AKAP9: variants seen among roughly 807,000 people sequenced by gnomAD.
AKAP9 encodes A-kinase anchor protein 9.
A neutral mutation model predicts 488.5 loss-of-function variants in AKAP9; 311 were observed. That is an observed-to-expected ratio of 0.64 (90% CI 0.58 to 0.70). The LOEUF is 0.70. AKAP9 is among the 30% of genes least tolerant of loss of function. The pLI, the probability that AKAP9 is intolerant of heterozygous loss-of-function variation, is 0.00. For missense variants in AKAP9, 4,215 were observed against 4,374.5 expected, an observed-to-expected ratio of 0.96 and a Z score of 1.03; for synonymous variants, 1,462 against 1,483.5, an observed-to-expected ratio of 0.99 and a Z score of 0.33.
Position 92,022,994 on chromosome 7 carries a change from C to G in AKAP9, c.4133C>G (p.Ser1378Cys). 2 of 1,613,720 alleles carry G rather than the reference C, an allele frequency of 1.2e-6. No homozygotes were observed. The highest frequency in any genetic ancestry group is 2.2e-5 in the East Asian group (1 of 44,838). Residue 1378 changes from serine (S) to cysteine (C), a missense_variant, in exon 14 of 50, where the codon TCC becomes TGC. Ser to Cys is a moderately radical substitution (Grantham distance 112). Around this residue, in one of 5 missense-constraint regions of AKAP9, gnomAD observed 2,361 missense variants for 2,430.0 expected, o/e 0.97. Coordinates refer to ENST00000356239, the MANE Select transcript of AKAP9 (RefSeq NM_005751.5). ...AAGAGGCTTCAAGCTGTTAGTGAGT[C>G]CACGGTTCCGCCAAGGTATTCATCT... ...LQKRLQAVSE[S>C]TVPPSLPVDS...
intron 3 of AKAP9, among the ~76,000 whole-genome samples, chr7:91,985,153 G>A (rs1228147143): frequency 6.6e-6 from 1 of 152,132 alleles, no homozygotes; most frequent in Non-Finnish European, 1.5e-5. Context: ...AGACTATGTT[G>A]AATAGGAGTG....
Position 92,107,431 on chromosome 7 carries a change from A to G in AKAP9, c.11546+9A>G. The G allele has an allele frequency of 6.2e-7, 1 of 1,612,954 alleles. No homozygotes were observed. Among genetic ancestry groups the G allele is most frequent in the Non-Finnish European group, 8.5e-7 (1 of 1,179,228 alleles). Reference sequence around the variant, plus strand: ...TTACCATTTCAGAATAGGTAAGAATATGAGAAAACCTGCCTGGAATTGTTA... The same window carrying G: ...TTACCATTTCAGAATAGGTAAGAATGTGAGAAAACCTGCCTGGAATTGTTA... On this transcript the variant is annotated intron_variant, in intron 48 of 49. Coordinates refer to ENST00000356239, the MANE Select transcript of AKAP9 (RefSeq NM_005751.5).
In AKAP9 at chr7:91,981,444, T is replaced by C. The variant is rs1347843920; in HGVS notation, c.351+1111T>C. Among the ~76,000 whole-genome samples the C allele has an allele frequency of 3.3e-5, 5 of 152,218 alleles. No homozygotes were observed. The East Asian group carries it at 9.7e-4, about 29-fold the overall frequency. ...AAGTATATGGGCAGATGTCCACAGG[T>C]TGTATACAAATACTATGCCATTAAG... On this transcript the variant is annotated intron_variant, in intron 3 of 49. Coordinates refer to ENST00000356239, the MANE Select transcript of AKAP9 (RefSeq NM_005751.5).
At chr7:91,972,684 T>G (rs1428671671) in intron 1 of AKAP9, among the ~76,000 whole-genome samples, 1 of 152,186 alleles carries the variant, frequency 6.6e-6, no homozygotes, top group Admixed American at 6.5e-5. Flanking sequence ...GTGCCACCAT[T>G]TTGGAGCTAT....
chr7:92,018,899 C>T (rs1801926598), intron 12 of AKAP9, among the ~76,000 whole-genome samples: 1 of 152,146 alleles, frequency 6.6e-6, no homozygotes, highest in African/African-American at 2.4e-5. Context: ...TCTCAATCAG[C>T]ATATTGAAAT....
intron 14 of AKAP9, 120 bp downstream of exon 14, chr7:92,023,129 G>C (rs936443921): frequency 2.0e-6 from 2 of 1,023,760 alleles, no homozygotes; most frequent in Admixed American, 1.8e-5. Context: ...GAGATAGGAT[G>C]TAGCATTTTT....
At chr7:92,024,746 A>G (rs1238949928) in intron 14 of AKAP9, among the ~76,000 whole-genome samples, 1 of 152,168 alleles carries the variant, frequency 6.6e-6, no homozygotes, top group East Asian at 1.9e-4. Context: ...TGGCTCTGCT[A>G]TTGTAGCGCG....
intron 33 of AKAP9, 36 bp from the exon 34 acceptor site, chr7:92,084,604 C>T: frequency 2.0e-6 from 3 of 1,533,372 alleles, no homozygotes; most frequent in Non-Finnish European, 1.8e-6. Context: ...TTTATTAAAG[C>T]AAAAAATATA....
chr7:92,065,922 C>G (rs905451536), intron 25 of AKAP9, among the ~76,000 whole-genome samples: 2 of 152,114 alleles, frequency 1.3e-5, no homozygotes, highest in Non-Finnish European at 2.9e-5. Context: ...TCTCTAATTT[C>G]ACATTTTTTT....
At chr7:92,091,331 T>C (rs1815518291) in intron 38 of AKAP9, among the ~76,000 whole-genome samples, 2 of 152,054 alleles carry the variant, frequency 1.3e-5, no homozygotes, top group Admixed American at 6.6e-5. Context: ...TTCACGCCTG[T>C]AATCCCAGCA....
chr7:92,042,591 A>G, intron 19 of AKAP9, 77 bp from the exon 20 acceptor site: 1 of 1,019,162 alleles, frequency 9.8e-7, no homozygotes, highest in South Asian at 1.3e-5. Context: ...ACCAATATAG[A>G]AGAATGACAT....
chr7:92,074,926 G>T (rs1235398184), intron 28 of AKAP9, among the ~76,000 whole-genome samples: 1 of 151,962 alleles, frequency 6.6e-6, no homozygotes, highest in Non-Finnish European at 1.5e-5. Context: ...CGGATTGATG[G>T]GTGCAGCAAA....
intron 8 of AKAP9, among the ~76,000 whole-genome samples, 178 bp from the exon 9 acceptor site, chr7:92,012,251 C>G (rs902961366): frequency 6.6e-6 from 1 of 152,038 alleles, no homozygotes; most frequent in African/African-American, 2.4e-5. Flanking sequence ...AAACATTGTG[C>G]TACTTTCCTT....
At chr7:91,968,729 A>G (rs891121509) in intron 1 of AKAP9, among the ~76,000 whole-genome samples, 1 of 151,984 alleles carries the variant, frequency 6.6e-6, no homozygotes, top group Admixed American at 6.6e-5. Flanking sequence ...TATTGGTATA[A>G]ACTTCCCTCT....
In AKAP9 at chr7:92,090,196, TAACATTCTTCC is replaced by T. The variant is rs747570881; in HGVS notation, c.9358+681_9358+691del. ...TTATCTTGTTTCTTTCACCTCTCTGTAACATTCTTCCAACATTCTTCCAAGTTACTGCATTT... is the reference window on the plus strand; with the variant it reads ...TTATCTTGTTTCTTTCACCTCTCTGTAACATTCTTCCAAGTTACTGCATTT... On this transcript the variant is annotated intron_variant, in intron 38 of 49. Coordinates refer to ENST00000356239, the MANE Select transcript of AKAP9 (RefSeq NM_005751.5). The T allele has an allele frequency of 4.6e-5, 7 of 152,396 alleles. No homozygotes were observed. In the East Asian group the frequency reaches 1.2e-3, roughly 25 times the overall value. The allele number at this position is 152,396 out of a possible 1,614,324, so 9.4% of individuals were successfully genotyped here.
At chr7:92,000,106 T>G (rs983326358) in intron 7 of AKAP9, among the ~76,000 whole-genome samples, 2 of 152,244 alleles carry the variant, frequency 1.3e-5, no homozygotes, top group African/African-American at 4.8e-5. Context: ...CAGATATGCC[T>G]TGGCCTGTGT....
intron 9 of AKAP9, among the ~76,000 whole-genome samples, chr7:92,013,233 C>T (rs1482982327): frequency 4.6e-5 from 7 of 151,464 alleles, no homozygotes; most frequent in Middle Eastern, 3.4e-3. Flanking sequence ...CCTCGTGATC[C>T]GCCCGCCTCG....
At chr7:92,072,508 T>C (rs969000910) in intron 28 of AKAP9, among the ~76,000 whole-genome samples, 10 of 152,210 alleles carry the variant, frequency 6.6e-5, no homozygotes, top group African/African-American at 2.4e-4. Context: ...CTTTCAGATA[T>C]CTGATGGAGT....
At chr7:92,027,394 C>G (rs1173627691) in intron 14 of AKAP9, among the ~76,000 whole-genome samples, 3 of 141,088 alleles carry the variant, frequency 2.1e-5, no homozygotes, top group African/African-American at 8.0e-5. Context: ...TCTGCCCGGC[C>G]GCCCTGTCTG....
Sources: gnomAD v4.1 joint callset for allele counts (sites outside exome capture counted in the v4.1 genomes callset) on GRCh38, gnomAD v4.1.1 for gene constraint, gnomAD v4.1.1 regional missense constraint, MANE v1.5 for transcripts, NCBI Gene and HGNC (gene_info 2026-07-23, HGNC 2026-07-21) for gene names.